Variants in AP2B1 observed in about 807,000 individuals in gnomAD.
AP2B1 encodes AP-2 complex subunit beta.
Under a neutral mutation model 102.0 loss-of-function variants are expected in AP2B1, and 23 were observed. That is an observed-to-expected ratio of 0.23 (90% CI 0.16 to 0.32). The LOEUF (loss-of-function observed/expected upper bound fraction) is 0.32, where lower values mean the gene tolerates loss of function less well. AP2B1 is among the 10% of genes least tolerant of loss of function. AP2B1 has a pLI of 1.00. For missense variants in AP2B1, 541 were observed against 1,157.4 expected (o/e 0.47, Z 7.73); for synonymous variants, 381 against 421.2 (o/e 0.90, Z 1.17).
At chr17:35,612,427 A>G (rs578216702) in intron 5 of AP2B1, among the ~76,000 whole-genome samples, 1 of 152,360 alleles carries the variant, frequency 6.6e-6, no homozygotes, top group East Asian at 1.9e-4. Context: ...CTTAAGAGGT[A>G]GCCAACACAC....
intron 18 of AP2B1, among the ~76,000 whole-genome samples, chr17:35,707,587 G>A (rs952652115): frequency 1.3e-5 from 2 of 151,954 alleles, no homozygotes; most frequent in Non-Finnish European, 1.5e-5. Flanking sequence ...TGAGTAGCTG[G>A]GACTACAGCC....
rs1370117570 is a variant in AP2B1 at position 35,642,033 on chromosome 17, T to G, written c.1536+58T>G. 3.8e-6 allele frequency: 5 copies of G among 1,310,734 alleles called. No homozygotes were observed. The Admixed American group carries it at 6.9e-5, about 18-fold the overall frequency. The allele number at this position is 1,310,734 out of a possible 1,614,324, so 81.2% of individuals were successfully genotyped here. A position where few individuals can be genotyped will look rare whatever the true frequency, so the allele number is the denominator to read the frequency against. On this transcript the variant is annotated intron_variant, in intron 12 of 21. Transcript: ENST00000610402. Reference sequence around the variant, plus strand: ...TGTCTTGTTTCAAATTGTAGGAAATTATGAAACTCTTCCTAGGGGATTCAT... The same window carrying G: ...TGTCTTGTTTCAAATTGTAGGAAATGATGAAACTCTTCCTAGGGGATTCAT...
At chr17:35,630,531 A>G (rs1345365276) in intron 9 of AP2B1, among the ~76,000 whole-genome samples, 2 of 152,186 alleles carry the variant, frequency 1.3e-5, no homozygotes, top group Non-Finnish European at 2.9e-5. Context: ...TTTCCACAAG[A>G]CTGCCATTGT....
intron 18 of AP2B1, among the ~76,000 whole-genome samples, chr17:35,705,578 G>A (rs1184822748): frequency 1.3e-5 from 2 of 152,100 alleles, no homozygotes; most frequent in Non-Finnish European, 2.9e-5. Context: ...CTGGAGTGCA[G>A]TGGTGCAATC....
intron 21 of AP2B1, among the ~76,000 whole-genome samples, chr17:35,718,704 G>A (rs905340714): frequency 2.0e-5 from 3 of 151,878 alleles, no homozygotes; most frequent in Admixed American, 1.3e-4. Flanking sequence ...AAAAGGGTTG[G>A]GGGGAGAATA....
intron 17 of AP2B1, among the ~76,000 whole-genome samples, chr17:35,678,227 A>C (rs2075743466): frequency 1.3e-5 from 2 of 152,158 alleles, no homozygotes; most frequent in African/African-American, 4.8e-5. Context: ...TGATTTTTAT[A>C]TATTGAACTT....
rs2085514149 is a variant in AP2B1 at position 35,726,236 on chromosome 17, G to A, written c.*2537G>A. The A allele has an allele frequency of 6.6e-6, 1 of 151,640 alleles. No homozygotes were observed. Among genetic ancestry groups the A allele is most frequent in the African/African-American group, 2.4e-5 (1 of 41,254 alleles). 9.4% of individuals were successfully genotyped at this position (151,640 alleles called of 1,614,324 possible). A position where few individuals can be genotyped will look rare whatever the true frequency, so the allele number is the denominator to read the frequency against. On this transcript the variant is annotated 3_prime_UTR_variant, in exon 22 of 22. Coordinates refer to ENST00000610402, the MANE Select transcript of AP2B1 (RefSeq NM_001030006.2). ...GTCTGTCCTCACCCAAGCCTGCTCT[G>A]TGTCTGTGTTGTGAAGCTTGAGACT... is the stretch of plus-strand genomic sequence containing the variant.
intron 14 of AP2B1, among the ~76,000 whole-genome samples, chr17:35,662,551 T>TTA (rs1567932046): frequency 9.6e-6 from 1 of 103,980 alleles, no homozygotes; most frequent in Non-Finnish European, 2.2e-5. Flanking sequence ...TTTTTTTTTT[T>TTA]ATGACTCTGG....
chr17:35,594,208 A>C, intron 2 of AP2B1, 141 bp downstream of exon 2: 1 of 559,244 alleles, frequency 1.8e-6, no homozygotes, highest in Non-Finnish European at 3.2e-6. Flanking sequence ...ACTTCTATAG[A>C]TGAATGTATT....
chr17:35,694,667 G>A (rs1042858952), intron 18 of AP2B1, among the ~76,000 whole-genome samples: 6 of 152,138 alleles, frequency 3.9e-5, no homozygotes, highest in Admixed American at 3.3e-4. Flanking sequence ...CTTGAGGTCA[G>A]GAGTTCGAGA....
At chr17:35,696,960 T>C (rs1472701993) in intron 18 of AP2B1, among the ~76,000 whole-genome samples, 8 of 152,216 alleles carry the variant, frequency 5.3e-5, no homozygotes, top group Admixed American at 5.2e-4. Flanking sequence ...ATGAGTCTTT[T>C]TGCTTTCATT....
At chr17:35,691,113 T>TA (rs1470243456) in intron 18 of AP2B1, among the ~76,000 whole-genome samples, 1 of 152,154 alleles carries the variant, frequency 6.6e-6, no homozygotes, top group African/African-American at 2.4e-5. Context: ...AATATCTTTC[T>TA]AAAACAAGGC....
At chr17:35,641,999 A>G (rs1178044385) in intron 12 of AP2B1, 24 bp downstream of exon 12, 2 of 1,546,106 alleles carry the variant, frequency 1.3e-6, no homozygotes, top group Admixed American at 1.7e-5. Context: ...AAAAAGCAAG[A>G]TGTTGATTTG....
chr17:35,636,298 C>A, intron 9 of AP2B1, 43 bp from the exon 10 acceptor site: 1 of 1,419,870 alleles, frequency 7.0e-7, no homozygotes, highest in Non-Finnish European at 9.8e-7. Context: ...GGTGTTATCG[C>A]ATAGATCATC....
chr17:35,707,040 C>G (rs226090), intron 18 of AP2B1, among the ~76,000 whole-genome samples: 1 of 152,058 alleles, frequency 6.6e-6, no homozygotes, highest in Non-Finnish European at 1.5e-5. Context: ...AATTCTCCTC[C>G]CTTACCTGCC....
intron 5 of AP2B1, among the ~76,000 whole-genome samples, chr17:35,613,018 CAAAA>C (rs368991901): frequency 7.0e-6 from 1 of 143,054 alleles, no homozygotes; most frequent in Admixed American, 7.0e-5. Flanking sequence ...ATGAAAGATA[CAAAA>C]AAAAAAGAAA....
At chr17:35,619,411 G>A (rs1179154183) in intron 5 of AP2B1, among the ~76,000 whole-genome samples, 4 of 152,074 alleles carry the variant, frequency 2.6e-5, no homozygotes, top group Non-Finnish European at 5.9e-5. Context: ...GGGAGGCCAA[G>A]GCAGGAAGAT....
chr17:35,608,026 A>G (rs2073744209), intron 4 of AP2B1, 116 bp from the exon 5 acceptor site: 2 of 1,249,758 alleles, frequency 1.6e-6, no homozygotes, highest in African/African-American at 3.0e-5. Flanking sequence ...GAGCTCATGT[A>G]GAATGTATCT....
At chr17:35,681,818 CAG>C (rs748774329) in intron 17 of AP2B1, among the ~76,000 whole-genome samples, 13 of 152,184 alleles carry the variant, frequency 8.5e-5, no homozygotes, top group Non-Finnish European at 1.8e-4. Flanking sequence ...AAGGAACTTT[CAG>C]AGTTATAGCA....
Sources: allele counts gnomAD v4.1 joint callset (sites outside exome capture counted in the v4.1 genomes callset), GRCh38; gene constraint gnomAD v4.1.1; transcripts MANE v1.5; gene names NCBI Gene and HGNC (gene_info 2026-07-23, HGNC 2026-07-21).